Variants in MCTP1 observed in about 807,000 individuals in gnomAD.
MCTP1 encodes multiple C2 and transmembrane domain containing 1, also known as multiple C2 and transmembrane domain-containing protein 1.
Under a neutral mutation model 120.6 loss-of-function variants are expected in MCTP1, and 69 were observed. That is an observed-to-expected ratio of 0.57 (90% CI 0.47 to 0.70). MCTP1 has a LOEUF of 0.70. Ranked by LOEUF, MCTP1 falls within the 30% of genes least tolerant of loss-of-function variation. MCTP1 has a pLI of 0.00. For synonymous variants in MCTP1, 529 were observed against 493.1 expected, an observed-to-expected ratio of 1.07 and a Z score of -0.96; for missense variants, 1,203 against 1,248.8, an observed-to-expected ratio of 0.96 and a Z score of 0.55.
At chr5:95,273,510 G>T (rs1759573702) in intron 1 of MCTP1, among the ~76,000 whole-genome samples, 2 of 152,158 alleles carry the variant, frequency 1.3e-5, no homozygotes, top group Non-Finnish European at 2.9e-5. Context: ...GCACCATAAA[G>T]ATTCAGCTAA....
At chr5:94,952,745 C>G (rs1820945389) in intron 3 of MCTP1, among the ~76,000 whole-genome samples, 1 of 151,878 alleles carries the variant, frequency 6.6e-6, no homozygotes, top group Non-Finnish European at 1.5e-5. Flanking sequence ...ACCCCCAGCC[C>G]CCCATTTTTG....
Position 94,929,980 on chromosome 5 carries a change from T to C in MCTP1, c.1212+1973A>G, listed in dbSNP as rs192580748. ...AACCCAAAAGCTTATGTTAACGCTG[T>C]ACTAAATATAATCTGCCAAGTACTC... On this transcript the variant is annotated intron_variant, in intron 6 of 22. Coordinates refer to ENST00000515393, the MANE Select transcript of MCTP1 (RefSeq NM_024717.7). 7.2e-5 allele frequency among the ~76,000 whole-genome samples: 11 copies of C among 152,286 alleles called. No individual in the cohort carries two copies. In the East Asian group the frequency reaches 2.1e-3, roughly 29 times the overall value.
At chr5:94,999,898 G>A (rs1218153963) in intron 2 of MCTP1, among the ~76,000 whole-genome samples, 2 of 152,156 alleles carry the variant, frequency 1.3e-5, no homozygotes, top group African/African-American at 2.4e-5. Context: ...CTGGAGAAGA[G>A]CCACTGGACC....
Position 94,707,379 on chromosome 5 carries a change from T to C in MCTP1, c.*117A>G, listed in dbSNP as rs1486825631. 1 of 739,262 alleles carries C rather than the reference T, an allele frequency of 1.4e-6. No homozygotes were observed. The highest frequency in any genetic ancestry group is 2.6e-5 in the East Asian group (1 of 38,750). 45.8% of individuals were successfully genotyped at this position (739,262 alleles called of 1,614,324 possible). A position where few individuals can be genotyped will look rare whatever the true frequency, so the allele number is the denominator to read the frequency against. Reference sequence around the variant, plus strand: ...GTACACTATTTACAGATTCTCTCGATCATGATAAAAAGGCAAAATAAATAA... The same window carrying C: ...GTACACTATTTACAGATTCTCTCGACCATGATAAAAAGGCAAAATAAATAA... On this transcript the variant is annotated 3_prime_UTR_variant, in exon 23 of 23. Coordinates refer to ENST00000515393, the MANE Select transcript of MCTP1 (RefSeq NM_024717.7).
In MCTP1 at chr5:94,942,359, C is replaced by A; in HGVS notation, c.1050G>T (p.Leu350Phe). 1.2e-6 allele frequency: 2 copies of A among 1,610,844 alleles called. No individual in the cohort carries two copies. The highest frequency in any genetic ancestry group is 1.1e-5 in the South Asian group (1 of 90,984). ...AGTTCAAAAGTTACCTGTTTAACTC[C>A]AATTGTGTCAGATCCAGAAAGGCTG... is the stretch of plus-strand genomic sequence containing the variant. ...MGSAFLDLTQ[L>F]ELNRPTDVTL... Residue 350 changes from leucine (L) to phenylalanine (F), a missense_variant, in exon 4 of 23, where the codon TTG (leucine) becomes TTT (phenylalanine). Coordinates refer to ENST00000515393, the MANE Select transcript of MCTP1 (RefSeq NM_024717.7).
At chr5:95,188,432 A>T (rs1749467274) in intron 1 of MCTP1, among the ~76,000 whole-genome samples, 1 of 152,254 alleles carries the variant, frequency 6.6e-6, no homozygotes, top group Non-Finnish European at 1.5e-5. Context: ...ATGAAAACTT[A>T]TCTTTACACA....
In MCTP1 at chr5:95,233,222, A is replaced by G. The variant is rs143594942; in HGVS notation, c.720+50634T>C. On this transcript the variant is annotated intron_variant, in intron 1 of 22. Coordinates refer to ENST00000515393, the MANE Select transcript of MCTP1 (RefSeq NM_024717.7). ...AACGTCAATATATTTAAAGGGATCC[A>G]TATTGTACAAAAGATACTGTCTAAT... 1.6e-3 allele frequency among the ~76,000 whole-genome samples: 238 copies of G among 152,368 alleles called. 1 individual carries two copies. The highest frequency in any genetic ancestry group is 4.7e-3 in the African/African-American group (197 of 41,598).
chr5:95,197,620 G>T (rs548787287), intron 1 of MCTP1, among the ~76,000 whole-genome samples: 4 of 152,036 alleles, frequency 2.6e-5, no homozygotes, highest in Admixed American at 6.5e-5. Context: ...CAACTGTGTA[G>T]AACATCACAC....
intron 2 of MCTP1, among the ~76,000 whole-genome samples, chr5:94,965,993 A>G (rs929445964): frequency 1.3e-5 from 2 of 152,156 alleles, no homozygotes; most frequent in Non-Finnish European, 2.9e-5. Context: ...ACTATGAGAA[A>G]TCTATAACTG....
chr5:95,153,815 T>G (rs1744799405), intron 1 of MCTP1, among the ~76,000 whole-genome samples: 1 of 152,328 alleles, frequency 6.6e-6, no homozygotes, highest in Non-Finnish European at 1.5e-5. Context: ...TGCAGAATTC[T>G]GAAGCCTCAT....
chr5:95,080,363 A>G (rs1754619988), intron 1 of MCTP1, among the ~76,000 whole-genome samples: 1 of 152,222 alleles, frequency 6.6e-6, no homozygotes, highest in African/African-American at 2.4e-5. Flanking sequence ...AATTTGGAAT[A>G]CAGTATTCTC....
chr5:94,902,739 A>G (rs762098053), intron 10 of MCTP1, among the ~76,000 whole-genome samples: 7 of 152,220 alleles, frequency 4.6e-5, no homozygotes, highest in Non-Finnish European at 8.8e-5. Context: ...TTTTTACTCT[A>G]TCTCTGACAT....
At chr5:95,008,413 G>T (rs995510790) in intron 2 of MCTP1, among the ~76,000 whole-genome samples, 1 of 152,118 alleles carries the variant, frequency 6.6e-6, no homozygotes, top group African/African-American at 2.4e-5. Context: ...ATTGAATAAA[G>T]AATGCACTGC....
At chr5:94,867,428 C>T in intron 17 of MCTP1, 1 of 1,064,432 alleles carries the variant, frequency 9.4e-7, no homozygotes, top group Non-Finnish European at 1.4e-6. Flanking sequence ...TGTGCATACA[C>T]TCATTTGAAT....
intron 1 of MCTP1, among the ~76,000 whole-genome samples, chr5:95,123,759 C>T (rs1433206493): frequency 6.6e-6 from 1 of 151,894 alleles, no homozygotes; most frequent in African/African-American, 2.4e-5. Context: ...ATGCCATTCT[C>T]CTGCCTCAGC....
intron 18 of MCTP1, among the ~76,000 whole-genome samples, chr5:94,783,770 T>C (rs1462002824): frequency 1.3e-5 from 2 of 152,104 alleles, no homozygotes; most frequent in Non-Finnish European, 2.9e-5. Context: ...TATTATAATT[T>C]TTCCATGAGT....
chr5:94,885,050 A>G (rs908203080), intron 12 of MCTP1, among the ~76,000 whole-genome samples: 1 of 152,140 alleles, frequency 6.6e-6, no homozygotes, highest in Non-Finnish European at 1.5e-5. Flanking sequence ...GACACATTCT[A>G]TTAATTGTAA....
chr5:95,141,753 T>C (rs1211843269), intron 1 of MCTP1, among the ~76,000 whole-genome samples: 1 of 152,196 alleles, frequency 6.6e-6, no homozygotes, highest in Non-Finnish European at 1.5e-5. Flanking sequence ...TCTTTTTTTC[T>C]GGTGTGCCAG....
At chr5:94,744,911 TGGATTC>T (rs1270839549) in intron 19 of MCTP1, among the ~76,000 whole-genome samples, 9 of 152,226 alleles carry the variant, frequency 5.9e-5, no homozygotes, top group Non-Finnish European at 1.2e-4. Flanking sequence ...GCTTTAACAT[TGGATTC>T]AAATCCTGCC....
Sources: gnomAD v4.1 joint callset for allele counts (sites outside exome capture counted in the v4.1 genomes callset) on GRCh38, gnomAD v4.1.1 for gene constraint, MANE v1.5 for transcripts, NCBI Gene and HGNC (gene_info 2026-07-23, HGNC 2026-07-21) for gene names.